DISP1: variants seen among roughly 807,000 people sequenced by gnomAD.
DISP1 encodes dispatched RND transporter family member 1, also known as protein dispatched homolog 1.
Under a neutral mutation model 37.3 loss-of-function variants are expected in DISP1, and 30 were observed. That is an observed-to-expected ratio of 0.80 (90% CI 0.60 to 1.09). The LOEUF (loss-of-function observed/expected upper bound fraction) is 1.09, where lower values mean the gene tolerates loss of function less well. DISP1 is among the 50% of genes least tolerant of loss of function. The probability of loss-of-function intolerance (pLI) is 0.00; values close to 1 mark genes in which losing one functional copy is unlikely to be tolerated. For synonymous variants in DISP1, 634 were observed against 690.2 expected, an observed-to-expected ratio of 0.92 and a Z score of 1.28; for missense variants, 1,598 against 1,879.5, an observed-to-expected ratio of 0.85 and a Z score of 2.77.
At chr1:222,990,896 T>C (rs1159560212) in intron 5 of DISP1, 148 bp downstream of exon 5, 7 of 1,146,236 alleles carry the variant, frequency 6.1e-6, no homozygotes, top group East Asian at 2.6e-5. Flanking sequence ...AGACATGACT[T>C]TATCTGTATT....
At position 223,005,866 on chromosome 1, in the gene DISP1, A is replaced by G; in HGVS notation, c.4469A>G (p.Lys1490Arg). ...SQSCGRIVRVKCNSVDCQMPN... is the reference protein window; with the variant it reads ...SQSCGRIVRVRCNSVDCQMPN... ...AGTTGTGGCAGAATTGTGAGAGTGAAGTGCAATTCTGTGGACTGTCAAATG... is the reference window on the plus strand; with the variant it reads ...AGTTGTGGCAGAATTGTGAGAGTGAGGTGCAATTCTGTGGACTGTCAAATG... The change falls in exon 9 of 9, where the codon AAG (lysine) becomes AGG (arginine). Residue 1490 changes from lysine (K) to arginine (R), a missense_variant. Coordinates refer to ENST00000675850, the MANE Select transcript of DISP1 (RefSeq NM_001377229.1). The G allele has an allele frequency of 1.9e-6, 3 of 1,614,230 alleles. No homozygotes were observed. The highest frequency in any genetic ancestry group is 2.5e-6 in the Non-Finnish European group (3 of 1,180,046).
intron 1 of DISP1, among the ~76,000 whole-genome samples, chr1:222,907,402 G>C (rs1191614840): frequency 3.3e-5 from 5 of 152,172 alleles, no homozygotes; most frequent in African/African-American, 7.2e-5. Flanking sequence ...TCATCTGGGA[G>C]CTGGTTAGAA....
chr1:222,948,792 G>A (rs1674980033), intron 3 of DISP1, among the ~76,000 whole-genome samples: 1 of 152,202 alleles, frequency 6.6e-6, no homozygotes. Context: ...AAGATCCTAA[G>A]TGCTATCAAT....
At chr1:222,878,528 T>C (rs73128630) in intron 1 of DISP1, among the ~76,000 whole-genome samples, 1 of 152,322 alleles carries the variant, frequency 6.6e-6, no homozygotes, top group African/African-American at 2.4e-5. Context: ...ATGTTTTAAG[T>C]GTTTTTGTAT....
At chr1:222,927,651 T>C (rs560226968) in intron 1 of DISP1, among the ~76,000 whole-genome samples, 4 of 152,340 alleles carry the variant, frequency 2.6e-5, no homozygotes, top group Admixed American at 2.6e-4. Flanking sequence ...TACATATTTT[T>C]ATTACCAAAG....
At chr1:222,876,152 A>G (rs1044459294) in intron 1 of DISP1, among the ~76,000 whole-genome samples, 1 of 152,204 alleles carries the variant, frequency 6.6e-6, no homozygotes, top group Admixed American at 6.5e-5. Context: ...TGCCACAGAC[A>G]AATGTTTAAT....
At chr1:222,909,659 A>C (rs1277197905) in intron 1 of DISP1, among the ~76,000 whole-genome samples, 1 of 152,208 alleles carries the variant, frequency 6.6e-6, no homozygotes, top group Admixed American at 6.5e-5. Context: ...AAAGGATATA[A>C]AAGATAAAAC....
At chr1:222,990,243 A>ATT (rs1258099441) in intron 4 of DISP1, among the ~76,000 whole-genome samples, 1 of 152,220 alleles carries the variant, frequency 6.6e-6, no homozygotes, top group Non-Finnish European at 1.5e-5. Context: ...TGGAGTATGG[A>ATT]TCCTCTGTTA....
intron 1 of DISP1, among the ~76,000 whole-genome samples, chr1:222,846,487 G>A (rs137957571): frequency 0.018 from 2,802 of 151,654 alleles, 69 homozygotes; most frequent in African/African-American, 0.059. Flanking sequence ...GTGAAACTCT[G>A]TCTCAAAAAA....
chr1:222,905,426 T>TGCTC (rs1229863668), intron 1 of DISP1, among the ~76,000 whole-genome samples: 1 of 120,108 alleles, frequency 8.3e-6, no homozygotes, highest in Non-Finnish European at 2.1e-5. Context: ...AATGGCTAAT[T>TGCTC]AAAGAATAAC....
rs201043580 is a variant in DISP1 at position 222,984,417 on chromosome 1, A to ATATATATAT, written c.539+1308_539+1309insTATATATAT. On this transcript the variant is annotated intron_variant, in intron 4 of 8. Coordinates refer to ENST00000675850, the MANE Select transcript of DISP1 (RefSeq NM_001377229.1). Reference sequence around the variant, plus strand: ...AGACTCTGTCTCAAAAAAAAAAAAAAAAAAATATATATATATATAGAGAGA... The same window carrying ATATATATAT: ...AGACTCTGTCTCAAAAAAAAAAAAAATATATATATAAAAATATATATATATATAGAGAGA... Among the ~76,000 whole-genome samples the ATATATATAT allele has an allele frequency of 9.4e-3, 721 of 76,360 alleles. 12 individuals carry two copies. Among genetic ancestry groups the ATATATATAT allele is most frequent in the Admixed American group, 0.015 (107 of 7,336 alleles). 50.1% of individuals were successfully genotyped at this position (76,360 alleles called of 152,430 possible).
intron 3 of DISP1, among the ~76,000 whole-genome samples, chr1:222,976,001 A>G (rs1677295824): frequency 6.6e-6 from 1 of 152,070 alleles, no homozygotes; most frequent in Non-Finnish European, 1.5e-5. Flanking sequence ...GGGACGCGCA[A>G]ATGTCATCTT....
Position 223,003,094 on chromosome 1 carries a change from T to C in DISP1, c.1697T>C (p.Leu566Ser). ...ATGAACCTCACTGCCCTCATTATTT[T>C]GGTTGGAATTGGAGCAGATGATGCT... Reference protein sequence around the residue: ...PFMNLTALIILVGIGADDAFV... With the variant: ...PFMNLTALIISVGIGADDAFV... The change falls in exon 9 of 9, where the codon TTG becomes TCG. Residue 566 changes from leucine to serine, a missense_variant. Physicochemically the swap from Leu to Ser is moderately radical, Grantham distance 145. Coordinates refer to ENST00000675850, the MANE Select transcript of DISP1 (RefSeq NM_001377229.1). This position sits in a 1 kb window ranked among gnomAD's most constrained non-coding sequence, Gnocchi z 4.3. 6.2e-7 allele frequency: 1 copy of C among 1,614,224 alleles called. No homozygotes were observed. The highest frequency in any genetic ancestry group is 8.5e-7 in the Non-Finnish European group (1 of 1,180,028).
chr1:222,840,199 G>A (rs915355999), intron 1 of DISP1, among the ~76,000 whole-genome samples: 4 of 151,988 alleles, frequency 2.6e-5, no homozygotes, highest in African/African-American at 9.7e-5. Flanking sequence ...TATAAATCAG[G>A]GACCACTGTA....
At chr1:222,856,230 T>G (rs1668538684) in intron 1 of DISP1, among the ~76,000 whole-genome samples, 1 of 152,226 alleles carries the variant, frequency 6.6e-6, no homozygotes, top group Non-Finnish European at 1.5e-5. Flanking sequence ...TTTTCAAAAT[T>G]CTCAGCAAAT....
chr1:222,879,971 G>A (rs939454644), intron 1 of DISP1, among the ~76,000 whole-genome samples: 32 of 151,906 alleles, frequency 2.1e-4, no homozygotes, highest in Admixed American at 7.2e-4. Context: ...CCACTTTGAC[G>A]ACTCTTGAGG....
intron 3 of DISP1, among the ~76,000 whole-genome samples, chr1:222,974,637 C>T (rs1677186654): frequency 6.6e-6 from 1 of 152,112 alleles, no homozygotes; most frequent in Non-Finnish European, 1.5e-5. Flanking sequence ...ATCTCGTAAG[C>T]ATTTAGGAAA....
intron 1 of DISP1, among the ~76,000 whole-genome samples, chr1:222,906,710 T>G (rs1366857836): frequency 6.6e-6 from 1 of 152,238 alleles, no homozygotes; most frequent in South Asian, 2.1e-4. Context: ...AATCCACCCC[T>G]TGTTTCACTT....
intron 1 of DISP1, among the ~76,000 whole-genome samples, chr1:222,873,023 C>T (rs965644759): frequency 2.0e-5 from 3 of 152,102 alleles, no homozygotes; most frequent in African/African-American, 4.8e-5. Context: ...GCCTTCATTT[C>T]GTTATGTACC....
Sources: gnomAD v4.1 joint callset for allele counts (sites outside exome capture counted in the v4.1 genomes callset) on GRCh38, gnomAD v4.1.1 for gene constraint, Gnocchi (gnomAD v3.1) non-coding constraint, MANE v1.5 for transcripts, NCBI Gene and HGNC (gene_info 2026-07-23, HGNC 2026-07-21) for gene names.